EGFR: variants seen among roughly 807,000 people sequenced by gnomAD.
EGFR encodes the protein avian erythroblastic leukemia viral (v-erb-b) oncogene homolog.
In EGFR, 58 loss-of-function variants were observed where a neutral mutation model predicts 143.0. That is an observed-to-expected ratio of 0.41 (90% CI 0.33 to 0.50). EGFR has a LOEUF of 0.50. Among genes scored for constraint, EGFR ranks in the 20% least tolerant of loss-of-function variants. EGFR has a pLI of 0.39. For missense variants in EGFR, 1,307 were observed against 1,579.0 expected (o/e 0.83, Z 2.92); for synonymous variants, 613 against 594.4 (o/e 1.03, Z -0.45).
At chr7:55,132,362 A>G (rs1314304363) in intron 1 of EGFR, among the ~76,000 whole-genome samples, 1 of 152,244 alleles carries the variant, frequency 6.6e-6, no homozygotes, top group Non-Finnish European at 1.5e-5. Flanking sequence ...TTTGACTATA[A>G]GAAGAATGAA....
At chr7:55,048,890 G>A (rs1788328060) in intron 1 of EGFR, among the ~76,000 whole-genome samples, 1 of 152,180 alleles carries the variant, frequency 6.6e-6, no homozygotes, top group African/African-American at 2.4e-5. Context: ...GAGCATGTGA[G>A]TGTTGATGGC....
At chr7:55,022,732 G>A (rs577196311) in intron 1 of EGFR, among the ~76,000 whole-genome samples, 2 of 152,350 alleles carry the variant, frequency 1.3e-5, no homozygotes, top group South Asian at 4.1e-4. Context: ...AACTGGCTGA[G>A]AGCTCCAATA....
chr7:55,167,947 A>G (rs1264055627), intron 15 of EGFR, among the ~76,000 whole-genome samples: 3 of 152,194 alleles, frequency 2.0e-5, no homozygotes, highest in African/African-American at 7.2e-5. Context: ...CAGCGTGAAA[A>G]ACAACATTTG....
At chr7:55,069,905 A>G (rs937866476) in intron 1 of EGFR, among the ~76,000 whole-genome samples, 1 of 152,204 alleles carries the variant, frequency 6.6e-6, no homozygotes, top group Non-Finnish European at 1.5e-5. Flanking sequence ...ACACACTTAC[A>G]CACACATACA....
At chr7:55,136,904 T>G (rs1794176506) in intron 1 of EGFR, among the ~76,000 whole-genome samples, 1 of 152,224 alleles carries the variant, frequency 6.6e-6, no homozygotes, top group African/African-American at 2.4e-5. Context: ...CATTTTCGAC[T>G]GCTATTTTCA....
chr7:55,037,999 GT>G (rs1329798104), intron 1 of EGFR, among the ~76,000 whole-genome samples: 1 of 152,186 alleles, frequency 6.6e-6, no homozygotes, highest in African/African-American at 2.4e-5. Context: ...CCGGCGCCCA[GT>G]TAGTTGTGTA....
In EGFR at chr7:55,019,184, G is replaced by C. The variant is rs2128853051; in HGVS notation, c.-94G>C. The stretch of plus-strand genomic sequence containing the variant: ...CTCGTCGGCGTCCGCCCGAGTCCCC[G>C]CCTCGCCGCCAACGCCACAACCACC... On this transcript the variant is annotated 5_prime_UTR_variant, in exon 1 of 28. Coordinates refer to ENST00000275493, the MANE Select transcript of EGFR (RefSeq NM_005228.5). 3.7e-6 allele frequency: 4 copies of C among 1,094,568 alleles called. No homozygotes were observed. Among genetic ancestry groups the C allele is most frequent in the Non-Finnish European group, 2.5e-6 (2 of 791,956 alleles). The allele number at this position is 1,094,568 out of a possible 1,614,324, so 67.8% of individuals were successfully genotyped here. A position where few individuals can be genotyped will look rare whatever the true frequency, so the allele number is the denominator to read the frequency against.
chr7:55,205,771 T>A lies in EGFR; in HGVS notation c.*154T>A. On this transcript the variant is annotated 3_prime_UTR_variant, in exon 28 of 28. Coordinates refer to ENST00000275493, the MANE Select transcript of EGFR (RefSeq NM_005228.5). ...TTTACACCGACTAGCCAGGAAGTAC[T>A]TCCACCTCGGGCACATTTTGGGAAG... 8.4e-7 allele frequency: 1 copy of A among 1,192,880 alleles called. No homozygotes were observed. Among genetic ancestry groups the A allele is most frequent in the South Asian group, 1.4e-5 (1 of 73,666 alleles). 73.9% of individuals were successfully genotyped at this position (1,192,880 alleles called of 1,614,324 possible).
intron 1 of EGFR, among the ~76,000 whole-genome samples, chr7:55,029,022 G>A (rs1787100937): frequency 2.6e-5 from 4 of 152,108 alleles, no homozygotes; most frequent in Admixed American, 6.5e-5. Context: ...AGCTGGGTGC[G>A]GTGGCACGTG....
chr7:55,198,559 A>G (rs1353510779), intron 22 of EGFR, among the ~76,000 whole-genome samples, 158 bp from the exon 23 acceptor site: 1 of 152,226 alleles, frequency 6.6e-6, no homozygotes, highest in Non-Finnish European at 1.5e-5. Flanking sequence ...ATAGAGAGGT[A>G]GACTGAGGCT....
At chr7:55,033,716 A>T (rs569751120) in intron 1 of EGFR, among the ~76,000 whole-genome samples, 1 of 152,296 alleles carries the variant, frequency 6.6e-6, no homozygotes, top group African/African-American at 2.4e-5. Flanking sequence ...AGAGCCAGAC[A>T]GGAGAAAGGC....
intron 1 of EGFR, among the ~76,000 whole-genome samples, chr7:55,056,916 T>C (rs1218851255): frequency 6.6e-6 from 1 of 152,240 alleles, no homozygotes; most frequent in Admixed American, 6.5e-5. Context: ...GTGCAGTATG[T>C]AACCCAGGGC....
At chr7:55,033,315 G>A (rs1329661551) in intron 1 of EGFR, among the ~76,000 whole-genome samples, 1 of 152,092 alleles carries the variant, frequency 6.6e-6, no homozygotes. Context: ...GTTTTGTTTT[G>A]TTTTCATTAA....
intron 19 of EGFR, among the ~76,000 whole-genome samples, chr7:55,176,549 G>A (rs538625262): frequency 2.6e-5 from 4 of 152,040 alleles, no homozygotes; most frequent in Admixed American, 6.6e-5. Flanking sequence ...CTGAGACCCA[G>A]TCTCTACAAA....
chr7:55,177,286 G>C (rs1786641939), intron 19 of EGFR, among the ~76,000 whole-genome samples: 1 of 152,222 alleles, frequency 6.6e-6, no homozygotes, highest in Non-Finnish European at 1.5e-5. Context: ...TTCTGGTAAA[G>C]AAAGCAAAAG....
intron 13 of EGFR, among the ~76,000 whole-genome samples, chr7:55,163,007 G>A (rs532782382): frequency 1.9e-4 from 29 of 152,270 alleles, no homozygotes; most frequent in African/African-American, 6.7e-4. Flanking sequence ...GGCCAGGCTG[G>A]TCTCAAACTC....
intron 1 of EGFR, among the ~76,000 whole-genome samples, chr7:55,076,051 A>T (rs955064827): frequency 6.6e-6 from 1 of 152,278 alleles, no homozygotes; most frequent in African/African-American, 2.4e-5. Flanking sequence ...GTCCATTAGT[A>T]ATTTGTTATA....
chr7:55,104,000 C>T (rs1446554167), intron 1 of EGFR, among the ~76,000 whole-genome samples: 4 of 152,164 alleles, frequency 2.6e-5, no homozygotes, highest in Non-Finnish European at 5.9e-5. Context: ...AGTTCCTGTG[C>T]TCATATTAAG....
At chr7:55,065,736 C>G (rs1157914338) in intron 1 of EGFR, among the ~76,000 whole-genome samples, 4 of 151,856 alleles carry the variant, frequency 2.6e-5, no homozygotes, top group Non-Finnish European at 5.9e-5. Flanking sequence ...AGAAAAGTGG[C>G]CATTTTACTT....
Sources: allele counts gnomAD v4.1 joint callset (sites outside exome capture counted in the v4.1 genomes callset), GRCh38; gene constraint gnomAD v4.1.1; transcripts MANE v1.5; gene names NCBI Gene and HGNC (gene_info 2026-07-23, HGNC 2026-07-21).